NOX4: variants seen among roughly 807,000 people sequenced by gnomAD.
The protein encoded by NOX4 is NADPH oxidase 4.
A neutral mutation model predicts 87.6 loss-of-function variants in NOX4; 69 were observed. That is an observed-to-expected ratio of 0.79 (90% CI 0.65 to 0.96). The LOEUF is 0.96. Among genes scored for constraint, NOX4 ranks in the 40% least tolerant of loss-of-function variants. The pLI is 0.00. For synonymous variants in NOX4, 275 were observed against 238.2 expected (o/e 1.15, Z -1.42); for missense variants, 680 against 681.5 (o/e 1.00, Z 0.02).
intron 7 of NOX4, among the ~76,000 whole-genome samples, chr11:89,431,562 A>G (rs1237378913): frequency 6.6e-6 from 1 of 152,244 alleles, no homozygotes; most frequent in African/African-American, 2.4e-5. Flanking sequence ...ACACCTCTCA[A>G]AAGAAGACAT....
chr11:89,491,875 G>A (rs143422632), upstream of NOX4, among the ~76,000 whole-genome samples: 19 of 151,748 alleles, frequency 1.3e-4, no homozygotes, highest in African/African-American at 4.4e-4. Flanking sequence ...GCTAGTTCAC[G>A]TTTCTCCCAC....
At chr11:89,455,719 C>CATATATATATATATATATATATATATAT (rs60864771) in intron 2 of NOX4, among the ~76,000 whole-genome samples, 4 of 141,064 alleles carry the variant, frequency 2.8e-5, no homozygotes, top group African/African-American at 1.1e-4. Context: ...AAGATGAAGT[C>CATATATATATATATATATATATATATAT]ATATATATAT....
intron 8 of NOX4, among the ~76,000 whole-genome samples, chr11:89,418,060 T>C (rs1942876214): frequency 6.6e-6 from 1 of 151,994 alleles, no homozygotes; most frequent in South Asian, 2.1e-4. Context: ...GATTTATTTA[T>C]AAAAAATGAA....
intron 13 of NOX4, among the ~76,000 whole-genome samples, chr11:89,350,503 G>A (rs1389606045): frequency 6.6e-6 from 1 of 152,106 alleles, no homozygotes; most frequent in African/African-American, 2.4e-5. Context: ...AGTGCACAAT[G>A]AGTCCATGTT....
chr11:89,426,448 G>A (rs1046783023), intron 7 of NOX4, among the ~76,000 whole-genome samples: 1 of 151,966 alleles, frequency 6.6e-6, no homozygotes, highest in South Asian at 2.1e-4. Flanking sequence ...GGAAGCGCAA[G>A]GGGTCAAGGA....
At chr11:89,474,457 C>T (rs199503432) in intron 2 of NOX4, among the ~76,000 whole-genome samples, 1 of 60,670 alleles carries the variant, frequency 1.6e-5, no homozygotes, top group Non-Finnish European at 2.8e-5. Context: ...ATCTATAATA[C>T]CAAAAAAAAA....
the NOX4 span, among the ~76,000 whole-genome samples, chr11:89,536,356 C>T: frequency 4.0e-5 from 6 of 151,890 alleles, no homozygotes; most frequent in Admixed American, 3.3e-4. Context: ...CCATGTTAGC[C>T]AGGATGGTCT....
intron 2 of NOX4, among the ~76,000 whole-genome samples, chr11:89,486,246 T>C (rs1946583534): frequency 6.6e-6 from 1 of 150,560 alleles, no homozygotes; most frequent in Non-Finnish European, 1.5e-5. Context: ...ATTTTTATAG[T>C]TCTATACCAA....
intron 2 of NOX4, among the ~76,000 whole-genome samples, chr11:89,466,882 C>A (rs1945718123): frequency 6.6e-6 from 1 of 152,004 alleles, no homozygotes; most frequent in African/African-American, 2.4e-5. Context: ...GAGGGACATC[C>A]ATGCAGGGAA....
At chr11:89,441,278 T>A (rs1944442124) in intron 5 of NOX4, among the ~76,000 whole-genome samples, 1 of 152,196 alleles carries the variant, frequency 6.6e-6, no homozygotes, top group African/African-American at 2.4e-5. Flanking sequence ...GAAACATTAA[T>A]ATTGCTAAAA....
intron 7 of NOX4, among the ~76,000 whole-genome samples, chr11:89,427,981 T>A (rs1044325696): frequency 1.3e-5 from 2 of 152,208 alleles, no homozygotes; most frequent in Non-Finnish European, 2.9e-5. Context: ...AAGGTGGGGT[T>A]GCCCACAAAC....
At position 89,337,434 on chromosome 11, in the gene NOX4, A is replaced by G. The variant is rs371951884; in HGVS notation, c.1515+13T>C. ...AGAGGCTTGTTTAATTTACGATAACATCAACCACATACCTGTATCCCATCT... is the reference window on the plus strand; with the variant it reads ...AGAGGCTTGTTTAATTTACGATAACGTCAACCACATACCTGTATCCCATCT... On this transcript the variant is annotated intron_variant, in intron 16 of 17. Coordinates refer to ENST00000263317, the MANE Select transcript of NOX4 (RefSeq NM_016931.5). 3.5e-5 allele frequency: 57 copies of G among 1,611,460 alleles called. No individual in the cohort carries two copies. In the East Asian group the frequency reaches 5.8e-4, roughly 16 times the overall value.
At chr11:89,426,411 A>G (rs1943413060) in intron 7 of NOX4, among the ~76,000 whole-genome samples, 1 of 151,978 alleles carries the variant, frequency 6.6e-6, no homozygotes, top group Non-Finnish European at 1.5e-5. Flanking sequence ...GCATGAGCTG[A>G]AGCAGGGTGA....
the NOX4 span, among the ~76,000 whole-genome samples, chr11:89,561,062 TATATATATATATATA>T: frequency 1.9e-5 from 2 of 107,118 alleles, no homozygotes; most frequent in Non-Finnish European, 3.8e-5. Context: ...TATATATATA[TATATATATATATATA>T]TATATATATC....
At chr11:89,412,245 G>A (rs1371695965) in intron 8 of NOX4, among the ~76,000 whole-genome samples, 1 of 152,114 alleles carries the variant, frequency 6.6e-6, no homozygotes, top group Non-Finnish European at 1.5e-5. Flanking sequence ...TCCACTTTTA[G>A]CATTGGACCG....
chr11:89,356,643 C>G (rs1483490936), intron 12 of NOX4, among the ~76,000 whole-genome samples: 1 of 152,062 alleles, frequency 6.6e-6, no homozygotes, highest in Non-Finnish European at 1.5e-5. Flanking sequence ...CTGTACACTC[C>G]CAGTACAACT....
intron 11 of NOX4, among the ~76,000 whole-genome samples, chr11:89,395,314 T>A (rs1477964786): frequency 6.6e-6 from 1 of 152,232 alleles, no homozygotes; most frequent in Non-Finnish European, 1.5e-5. Context: ...TTGAGAAGTG[T>A]CTGTTCATAT....
chr11:89,481,063 T>C (rs1946370962), intron 2 of NOX4, among the ~76,000 whole-genome samples: 1 of 151,932 alleles, frequency 6.6e-6, no homozygotes, highest in Non-Finnish European at 1.5e-5. Flanking sequence ...GAAGGTAACA[T>C]GTTCCTACTG....
intron 7 of NOX4, among the ~76,000 whole-genome samples, chr11:89,425,478 A>G (rs916942302): frequency 6.6e-6 from 1 of 151,744 alleles, no homozygotes; most frequent in African/African-American, 2.4e-5. Context: ...AAAATAATGT[A>G]TAAAAACCTA....
Sources: gnomAD v4.1 joint callset for allele counts (sites outside exome capture counted in the v4.1 genomes callset) on GRCh38, gnomAD v4.1.1 for gene constraint, MANE v1.5 for transcripts, NCBI Gene and HGNC (gene_info 2026-07-23, HGNC 2026-07-21) for gene names.